The following EHBP1 variants were observed in gnomAD, a reference collection of about 807,000 sequenced individuals.
The protein encoded by EHBP1 is EH domain-binding protein 1.
A neutral mutation model predicts 144.0 loss-of-function variants in EHBP1; 55 were observed. The observed-to-expected ratio is 0.38, with a 90% CI of 0.31 to 0.48. The LOEUF (loss-of-function observed/expected upper bound fraction) is 0.48, where lower values mean the gene tolerates loss of function less well. EHBP1 is among the 20% of genes least tolerant of loss of function. EHBP1 has a pLI of 0.98. For synonymous variants in EHBP1, 469 were observed against 472.7 expected (o/e 0.99, Z 0.10); for missense variants, 1,200 against 1,364.2 (o/e 0.88, Z 1.90).
In EHBP1 at chr2:62,733,612, T is replaced by G. The variant is rs549724936; in HGVS notation, c.105-13783T>G. On this transcript the variant is annotated intron_variant, in intron 2 of 22. Coordinates refer to ENST00000431489, the MANE Select transcript of EHBP1 (RefSeq NM_001142616.3). The stretch of plus-strand genomic sequence containing the variant: ...GGTTATTTCACTTCTCTCAGTTCAT[T>G]TAGTTTCTAGTAAAATAGTTTCTCT... 7.2e-5 allele frequency among the ~76,000 whole-genome samples: 11 copies of G among 152,304 alleles called. No individual in the cohort carries two copies. The South Asian group carries it at 2.3e-3, about 32-fold the overall frequency.
At chr2:62,961,464 C>T (rs967915736) in intron 14 of EHBP1, among the ~76,000 whole-genome samples, 2 of 151,984 alleles carry the variant, frequency 1.3e-5, no homozygotes, top group Non-Finnish European at 2.9e-5. Context: ...TCCTTTTGTT[C>T]TATGAAGATT....
At chr2:62,997,524 C>T (rs760737104) in intron 19 of EHBP1, among the ~76,000 whole-genome samples, 8 of 149,046 alleles carry the variant, frequency 5.4e-5, no homozygotes, top group Non-Finnish European at 1.0e-4. Flanking sequence ...TAAATTAAAT[C>T]ATTCATACCA....
At chr2:62,714,379 C>T (rs1317026771) in intron 2 of EHBP1, among the ~76,000 whole-genome samples, 2 of 152,168 alleles carry the variant, frequency 1.3e-5, no homozygotes, top group Non-Finnish European at 2.9e-5. Flanking sequence ...TCCACTCAAA[C>T]TACATAAGTA....
At chr2:62,757,415 CTTTTTTTTTTCTTTTTTTT>C (rs1240164310) in intron 3 of EHBP1, among the ~76,000 whole-genome samples, 2 of 121,902 alleles carry the variant, frequency 1.6e-5, no homozygotes, top group Admixed American at 8.3e-5. Flanking sequence ...TTCTTTCTTT[CTTTTTTTTTTCTTTTTTTT>C]TTTTTTTTTT....
At chr2:63,026,291 A>G (rs1226767879) in intron 19 of EHBP1, among the ~76,000 whole-genome samples, 1 of 106,334 alleles carries the variant, frequency 9.4e-6, no homozygotes, top group Non-Finnish European at 1.9e-5. Context: ...ATGGCTCTCT[A>G]CCTTGTGTGT....
chr2:62,869,293 C>G (rs899087077), intron 9 of EHBP1, among the ~76,000 whole-genome samples: 1 of 152,162 alleles, frequency 6.6e-6, no homozygotes, highest in Admixed American at 6.5e-5. Flanking sequence ...CATTCCATTT[C>G]TACGTTTCAA....
intron 14 of EHBP1, among the ~76,000 whole-genome samples, chr2:62,958,306 A>G (rs1342775814): frequency 6.6e-6 from 1 of 152,260 alleles, no homozygotes; most frequent in Non-Finnish European, 1.5e-5. Context: ...GAAACAGGAC[A>G]AAATTTAAAT....
chr2:62,862,121 CT>C lies in EHBP1; in HGVS notation c.758-2609del, dbSNP rs1279013592. Among the ~76,000 whole-genome samples, 5 of 152,152 alleles carry C rather than the reference CT, an allele frequency of 3.3e-5. No homozygotes were observed. The East Asian group carries it at 7.7e-4, about 24-fold the overall frequency. Reference sequence around the variant, plus strand: ...ATTACAAAAGATACTATTACTGAGTCTCTTTAGGCTATGTTTAAATTCATTT... The same window carrying C: ...ATTACAAAAGATACTATTACTGAGTCCTTTAGGCTATGTTTAAATTCATTT... On this transcript the variant is annotated intron_variant, in intron 8 of 22. Transcript: ENST00000431489.
chr2:62,686,974 C>T (rs2033740119), intron 1 of EHBP1, among the ~76,000 whole-genome samples: 1 of 152,104 alleles, frequency 6.6e-6, no homozygotes, highest in Non-Finnish European at 1.5e-5. Flanking sequence ...CCCTATTATC[C>T]CCACTTTATA....
chr2:62,680,327 AT>A (rs1356329317), intron 1 of EHBP1, among the ~76,000 whole-genome samples: 1 of 152,200 alleles, frequency 6.6e-6, no homozygotes, highest in Non-Finnish European at 1.5e-5. Flanking sequence ...AAGTTATTGA[AT>A]CTAAAGATAA....
At chr2:62,968,085 G>T (rs1210187693) in intron 14 of EHBP1, among the ~76,000 whole-genome samples, 1 of 152,044 alleles carries the variant, frequency 6.6e-6, no homozygotes, top group Non-Finnish European at 1.5e-5. Flanking sequence ...GTATTTCTGA[G>T]CTCTGCCCAC....
At chr2:62,927,775 TA>T (rs1355979728) in intron 10 of EHBP1, among the ~76,000 whole-genome samples, 1 of 152,068 alleles carries the variant, frequency 6.6e-6, no homozygotes, top group Non-Finnish European at 1.5e-5. Flanking sequence ...CTAACAAACA[TA>T]CAAAAAACTG....
intron 14 of EHBP1, among the ~76,000 whole-genome samples, chr2:62,970,382 G>A (rs2058441893): frequency 6.6e-6 from 1 of 152,012 alleles, no homozygotes; most frequent in Non-Finnish European, 1.5e-5. Context: ...TCTTGAGGGA[G>A]GTAAAAGATG....
At chr2:63,036,811 T>G (rs891167978) in intron 19 of EHBP1, among the ~76,000 whole-genome samples, 9 of 151,938 alleles carry the variant, frequency 5.9e-5, no homozygotes, top group African/African-American at 1.7e-4. Context: ...CAGGGTGGTA[T>G]TAGATGATGG....
intron 5 of EHBP1, among the ~76,000 whole-genome samples, chr2:62,786,060 G>T (rs762859206): frequency 6.6e-6 from 1 of 152,140 alleles, no homozygotes; most frequent in Non-Finnish European, 1.5e-5. Flanking sequence ...AGCAATGCTT[G>T]CTGGAACTTG....
intron 5 of EHBP1, among the ~76,000 whole-genome samples, chr2:62,809,444 C>A (rs1216089225): frequency 6.6e-6 from 1 of 152,032 alleles, no homozygotes; most frequent in Non-Finnish European, 1.5e-5. Context: ...GTAAAACTCA[C>A]AAAAGCATGG....
intron 7 of EHBP1, among the ~76,000 whole-genome samples, chr2:62,837,621 C>T (rs1206619688): frequency 2.7e-5 from 4 of 147,994 alleles, no homozygotes; most frequent in Non-Finnish European, 4.5e-5. Flanking sequence ...CACACATAGG[C>T]TCAAAATAAA....
At chr2:62,950,976 C>T (rs2430386) in intron 13 of EHBP1, among the ~76,000 whole-genome samples, 81,415 of 152,012 alleles carry the variant, frequency 0.54, 22,094 homozygotes, top group African/African-American at 0.61. Context: ...TGAGCCACCG[C>T]GCCCGGCCCG....
intron 10 of EHBP1, among the ~76,000 whole-genome samples, chr2:62,890,811 A>T (rs1268285544): frequency 1.3e-5 from 2 of 152,226 alleles, no homozygotes; most frequent in African/African-American, 4.8e-5. Flanking sequence ...CATGTTTTCA[A>T]CAAATTTCAG....
Sources: gnomAD v4.1 joint callset for allele counts (sites outside exome capture counted in the v4.1 genomes callset) on GRCh38, gnomAD v4.1.1 for gene constraint, MANE v1.5 for transcripts, NCBI Gene and HGNC (gene_info 2026-07-23, HGNC 2026-07-21) for gene names.